Variants in RAB6A observed in about 807,000 individuals in gnomAD.
RAB6A encodes the protein ras-related protein Rab-6A.
A neutral mutation model predicts 32.3 loss-of-function variants in RAB6A; 8 were observed. The ratio of observed to expected loss-of-function variants is 0.25; its 90% CI spans 0.15 to 0.45. The LOEUF (loss-of-function observed/expected upper bound fraction) is 0.45. Among genes scored for constraint, RAB6A ranks in the 20% least tolerant of loss-of-function variants. The pLI, the probability that RAB6A is intolerant of heterozygous loss-of-function variation, is 1.00. For missense variants in RAB6A, 104 were observed against 249.4 expected, an observed-to-expected ratio of 0.42 and a Z score of 3.93; for synonymous variants, 73 against 82.1, an observed-to-expected ratio of 0.89 and a Z score of 0.60.
chr11:73,760,477 A>AG lies in RAB6A; in HGVS notation c.70+88dup, dbSNP rs1946828289. 2.0e-6 allele frequency: 3 copies of AG among 1,480,556 alleles called. No homozygotes were observed. The African/African-American group carries it at 4.2e-5, about 21-fold the overall frequency. The allele number at this position is 1,480,556 out of a possible 1,614,324, so 91.7% of individuals were successfully genotyped here. On this transcript the variant is annotated intron_variant, in intron 1 of 7. Coordinates refer to ENST00000336083, the MANE Select transcript of RAB6A (RefSeq NM_198896.2). ...CAACGAGCGCGGACGCGAGGCGGGCAGGGAGCCTCCGCGGACGGAAGGGCC... is the reference window on the plus strand; with the variant it reads ...CAACGAGCGCGGACGCGAGGCGGGCAGGGGAGCCTCCGCGGACGGAAGGGCC...
chr11:73,677,997 GTAC>G (rs1945293701), intron 7 of RAB6A, 35 bp from the exon 8 acceptor site: 1 of 1,605,250 alleles, frequency 6.2e-7, no homozygotes, highest in Non-Finnish European at 8.5e-7. Flanking sequence ...AAATGGGAAA[GTAC>G]AATTTCAATT....
At chr11:73,719,145 T>C (rs561141055) in intron 3 of RAB6A, among the ~76,000 whole-genome samples, 2 of 152,208 alleles carry the variant, frequency 1.3e-5, no homozygotes, top group Non-Finnish European at 2.9e-5. Flanking sequence ...GAATCAGAAA[T>C]ATGGCTTCCC....
At chr11:73,707,099 C>T (rs1022661990) in intron 6 of RAB6A, among the ~76,000 whole-genome samples, 1 of 119,330 alleles carries the variant, frequency 8.4e-6, no homozygotes, top group African/African-American at 3.1e-5. Context: ...GCCTCGGCAA[C>T]AAGAGCGAAA....
intron 3 of RAB6A, among the ~76,000 whole-genome samples, chr11:73,719,354 T>C (rs1946099430): frequency 6.6e-6 from 1 of 152,270 alleles, no homozygotes; most frequent in Non-Finnish European, 1.5e-5. Context: ...GTCTCTTTCC[T>C]ATTGGGTCTA....
At chr11:73,744,790 C>A (rs935759704) in intron 1 of RAB6A, among the ~76,000 whole-genome samples, 4 of 151,964 alleles carry the variant, frequency 2.6e-5, no homozygotes, top group African/African-American at 9.7e-5. Context: ...TCCTGGCCAA[C>A]ATGGTGAAAC....
intron 6 of RAB6A, among the ~76,000 whole-genome samples, chr11:73,692,795 A>AT (rs1345596274): frequency 1.3e-4 from 14 of 111,786 alleles, no homozygotes; most frequent in Non-Finnish European, 2.5e-4. Context: ...ATACAAAAAA[A>AT]AAAAAAAAAA....
chr11:73,682,151 G>C (rs1034039987), intron 6 of RAB6A, among the ~76,000 whole-genome samples: 1 of 152,054 alleles, frequency 6.6e-6, no homozygotes, highest in Non-Finnish European at 1.5e-5. Context: ...GTGAATATTA[G>C]GTTTGAAACA....
At chr11:73,682,275 A>G (rs1945370804) in intron 6 of RAB6A, among the ~76,000 whole-genome samples, 3 of 152,218 alleles carry the variant, frequency 2.0e-5, no homozygotes. Context: ...CACTGGCAAC[A>G]CAGAGAGACC....
rs1369556558 is a variant in RAB6A at position 73,675,693 on chromosome 11, A to C, written c.*2205T>G. 6.4e-6 allele frequency: 1 copy of C among 155,424 alleles called. No individual in the cohort carries two copies. Among genetic ancestry groups the C allele is most frequent in the Non-Finnish European group, 1.5e-5 (1 of 67,772 alleles). 9.6% of individuals were successfully genotyped at this position (155,424 alleles called of 1,614,324 possible). On this transcript the variant is annotated 3_prime_UTR_variant, in exon 8 of 8. Coordinates refer to ENST00000336083, the MANE Select transcript of RAB6A (RefSeq NM_198896.2). ...TTTGGCAGCAAAATTGTGTTTATTA[A>C]AAAAAAAACCTGGACTATGAACACA...
intron 1 of RAB6A, 104 bp downstream of exon 1, chr11:73,760,462 G>C: frequency 7.0e-7 from 1 of 1,425,258 alleles, no homozygotes; most frequent in Non-Finnish European, 9.4e-7. Flanking sequence ...CAACGAGCGC[G>C]GACGCGAGGC....
intron 6 of RAB6A, among the ~76,000 whole-genome samples, chr11:73,689,763 A>C (rs945264262): frequency 1.3e-5 from 2 of 152,138 alleles, no homozygotes; most frequent in Non-Finnish European, 2.9e-5. Context: ...CCTAAAATGT[A>C]TAAAACCAAG....
At chr11:73,687,951 A>T (rs992672800) in intron 6 of RAB6A, among the ~76,000 whole-genome samples, 5 of 152,132 alleles carry the variant, frequency 3.3e-5, no homozygotes, top group African/African-American at 1.2e-4. Context: ...TACCTTACTC[A>T]CTTTTTGTCA....
At chr11:73,705,497 G>A (rs781031575) in intron 6 of RAB6A, among the ~76,000 whole-genome samples, 12 of 152,180 alleles carry the variant, frequency 7.9e-5, no homozygotes, top group South Asian at 4.2e-4. Flanking sequence ...GCAGTGAGCC[G>A]AGATTGCACC....
At chr11:73,760,101 A>C (rs751433338) in intron 1 of RAB6A, 5 of 1,291,008 alleles carry the variant, frequency 3.9e-6, no homozygotes, top group Non-Finnish European at 4.0e-6. Context: ...AACAACGCCC[A>C]GATCCCACCC....
intron 6 of RAB6A, among the ~76,000 whole-genome samples, chr11:73,705,237 T>G (rs186281294): frequency 6.6e-6 from 1 of 152,042 alleles, no homozygotes; most frequent in African/African-American, 2.4e-5. Flanking sequence ...GCTCACACCC[T>G]TATCAAAATG....
At position 73,730,888 on chromosome 11, in the gene RAB6A, T is replaced by C. The variant is rs144560193; in HGVS notation, c.71-65A>G. 1,606 of 1,260,208 alleles carry C rather than the reference T, an allele frequency of 1.3e-3. 23 individuals carry two copies. The African/African-American group carries it at 0.023, about 18-fold the overall frequency. 78.1% of individuals were successfully genotyped at this position (1,260,208 alleles called of 1,614,324 possible). ...TTACATTGGGTTCTCAGAAAATTTT[T>C]CTACAGAGAACTGCAATTAAAGTCA... On this transcript the variant is annotated intron_variant, in intron 1 of 7. Transcript: ENST00000336083.
intron 1 of RAB6A, among the ~76,000 whole-genome samples, chr11:73,741,637 C>T (rs1228655485): frequency 2.0e-5 from 3 of 152,070 alleles, no homozygotes; most frequent in African/African-American, 7.2e-5. Flanking sequence ...GATACACAAA[C>T]TGTGGTATAT....
At chr11:73,689,432 T>C (rs1048009857) in intron 6 of RAB6A, among the ~76,000 whole-genome samples, 17 of 152,220 alleles carry the variant, frequency 1.1e-4, no homozygotes, top group African/African-American at 3.9e-4. Context: ...CTGGCTTACC[T>C]GCTGCTCATC....
chr11:73,688,172 T>C (rs576954360), intron 6 of RAB6A, among the ~76,000 whole-genome samples: 3 of 152,256 alleles, frequency 2.0e-5, no homozygotes, highest in Non-Finnish European at 4.4e-5. Flanking sequence ...ATATCTCTTA[T>C]CATTCTTTGT....
Sources: gnomAD v4.1 joint callset for allele counts (sites outside exome capture counted in the v4.1 genomes callset) on GRCh38, gnomAD v4.1.1 for gene constraint, MANE v1.5 for transcripts, NCBI Gene and HGNC (gene_info 2026-07-23, HGNC 2026-07-21) for gene names.